The following L3MBTL4 variants were observed in gnomAD, a reference collection of about 807,000 sequenced individuals.
L3MBTL4 encodes the protein L3MBTL histone methyl-lysine binding protein 4.
Under a neutral mutation model 84.5 loss-of-function variants are expected in L3MBTL4, and 70 were observed. The ratio of observed to expected loss-of-function variants is 0.83; its 90% CI spans 0.68 to 1.01. The LOEUF (loss-of-function observed/expected upper bound fraction) is 1.01, where lower values mean the gene tolerates loss of function less well. Ranked by LOEUF, L3MBTL4 falls within the 50% of genes least tolerant of loss-of-function variation. The pLI is 0.00. For synonymous variants in L3MBTL4, 274 were observed against 259.8 expected, an observed-to-expected ratio of 1.05 and a Z score of -0.52; for missense variants, 715 against 754.8, an observed-to-expected ratio of 0.95 and a Z score of 0.62.
At chr18:6,365,179 A>G (rs1181222275) in intron 1 of L3MBTL4, among the ~76,000 whole-genome samples, 1 of 152,192 alleles carries the variant, frequency 6.6e-6, no homozygotes, top group African/African-American at 2.4e-5. Flanking sequence ...ACCTATGAAT[A>G]TGTTTTATGG....
intron 14 of L3MBTL4, among the ~76,000 whole-genome samples, chr18:6,122,506 T>C (rs1026588381): frequency 4.6e-5 from 7 of 151,868 alleles, no homozygotes; most frequent in Admixed American, 3.9e-4. Flanking sequence ...TAAGAGGGAG[T>C]TTCTCTGCAC....
chr18:6,299,675 T>A lies in L3MBTL4; in HGVS notation c.127+2228A>T, dbSNP rs923164239. On this transcript the variant is annotated intron_variant, in intron 4 of 18. Transcript: ENST00000317931. ...ATTAAGGTTTATTTTGCAATATAGA[T>A]ATATTTTTTTTATATACAGGGTCTC... Among the ~76,000 whole-genome samples, 5 of 145,044 alleles carry A rather than the reference T, an allele frequency of 3.4e-5. No individual in the cohort carries two copies. In the South Asian group the frequency reaches 6.5e-4, roughly 19 times the overall value.
At chr18:6,277,288 A>T (rs1469305270) in intron 4 of L3MBTL4, among the ~76,000 whole-genome samples, 2 of 151,988 alleles carry the variant, frequency 1.3e-5, no homozygotes, top group Admixed American at 6.5e-5. Context: ...AAAGTATAAT[A>T]AAAAAATATT....
At chr18:5,982,573 A>G (rs2053283036) in intron 16 of L3MBTL4, among the ~76,000 whole-genome samples, 1 of 152,248 alleles carries the variant, frequency 6.6e-6, no homozygotes, top group African/African-American at 2.4e-5. Flanking sequence ...CCCAGAGGTC[A>G]TGGAAAATGC....
chr18:5,988,812 G>T (rs1455532637), intron 16 of L3MBTL4, among the ~76,000 whole-genome samples: 1 of 152,150 alleles, frequency 6.6e-6, no homozygotes, highest in Non-Finnish European at 1.5e-5. Context: ...AGTTTCTAGG[G>T]GTGTGGATGG....
chr18:5,959,305 T>C lies in L3MBTL4; in HGVS notation c.1677+789A>G, dbSNP rs138538169. 1.0e-3 allele frequency among the ~76,000 whole-genome samples: 154 copies of C among 152,328 alleles called. 1 individual carries two copies. In the Middle Eastern group the frequency reaches 0.02, roughly 20 times the overall value. On this transcript the variant is annotated intron_variant, in intron 18 of 18. Transcript: ENST00000317931. ...TTGCTCTGCCTCACCTTCCTGGGCC[T>C]GAGCTTCTTCATCGGTAAGCTGCCA...
chr18:6,137,138 C>A (rs1298570309), intron 14 of L3MBTL4, among the ~76,000 whole-genome samples: 1 of 152,212 alleles, frequency 6.6e-6, no homozygotes, highest in Non-Finnish European at 1.5e-5. Context: ...CTGCAGACTC[C>A]TTACAGACTT....
rs1397916332 is a variant in L3MBTL4, at chr18:6,318,587, T to C, written c.-90-6531A>G. On this transcript the variant is annotated intron_variant, in intron 1 of 18. Coordinates refer to ENST00000317931, the MANE Select transcript of L3MBTL4 (RefSeq NM_001330559.2). The stretch of plus-strand genomic sequence containing the variant: ...ATCCAACAAGAGGATATTACAATCC[T>C]AAATTTACATGCCCCTAACTCTGGA... Among the ~76,000 whole-genome samples the C allele has an allele frequency of 2.2e-5, 3 of 138,526 alleles. No individual in the cohort carries two copies. The East Asian group carries it at 7.5e-4, about 35-fold the overall frequency. The allele number at this position is 138,526 out of a possible 152,430, so 90.9% of individuals were successfully genotyped here.
At chr18:6,379,822 C>CCAAAA (rs2054523556) in intron 1 of L3MBTL4, among the ~76,000 whole-genome samples, 1 of 152,180 alleles carries the variant, frequency 6.6e-6, no homozygotes, top group Non-Finnish European at 1.5e-5. Context: ...CGGAATGATG[C>CCAAAA]TGGCCTCATA....
At chr18:6,392,669 T>C (rs1227698036) in intron 1 of L3MBTL4, among the ~76,000 whole-genome samples, 1 of 152,154 alleles carries the variant, frequency 6.6e-6, no homozygotes, top group African/African-American at 2.4e-5. Flanking sequence ...ACTTAAGACC[T>C]GAAACCAAAA....
intron 1 of L3MBTL4, among the ~76,000 whole-genome samples, chr18:6,349,440 A>G (rs1002814740): frequency 6.6e-6 from 1 of 152,212 alleles, no homozygotes; most frequent in Admixed American, 6.5e-5. Context: ...ACGAAAGAAT[A>G]CACACTGGCT....
chr18:6,297,904 T>G (rs1399835818), intron 4 of L3MBTL4, among the ~76,000 whole-genome samples: 2 of 152,230 alleles, frequency 1.3e-5, no homozygotes, highest in African/African-American at 4.8e-5. Flanking sequence ...TACATACTTG[T>G]CTACACACAA....
rs1397154571 is a variant in L3MBTL4, at chr18:6,414,535, C to G, written c.-91+266G>C. Among the ~76,000 whole-genome samples the G allele has an allele frequency of 6.6e-6, 1 of 151,908 alleles. No homozygotes were observed. Among genetic ancestry groups the G allele is most frequent in the African/African-American group, 2.4e-5 (1 of 41,384 alleles). ...GAGGCGCCGGGCTCTGCGGCGGCCG[C>G]GCCCGTCCAAAGTAGGCGACAAGTG... On this transcript the variant is annotated intron_variant, in intron 1 of 18. Coordinates refer to ENST00000317931, the MANE Select transcript of L3MBTL4 (RefSeq NM_001330559.2). The surrounding 1 kb of genome is among the most constrained non-coding windows in gnomAD (Gnocchi z 5.4).
intron 16 of L3MBTL4, among the ~76,000 whole-genome samples, chr18:5,980,993 G>A (rs1268805570): frequency 6.6e-6 from 1 of 152,174 alleles, no homozygotes; most frequent in Non-Finnish European, 1.5e-5. Context: ...AGCATGCCCA[G>A]GTGTCTGTGC....
intron 12 of L3MBTL4, among the ~76,000 whole-genome samples, chr18:6,200,549 T>C (rs958878475): frequency 2.0e-5 from 3 of 152,238 alleles, no homozygotes; most frequent in African/African-American, 7.2e-5. Context: ...CCATTTATTA[T>C]CCATTATCTA....
chr18:5,992,873 C>T (rs977430533), intron 16 of L3MBTL4, among the ~76,000 whole-genome samples: 1 of 152,176 alleles, frequency 6.6e-6, no homozygotes, highest in Non-Finnish European at 1.5e-5. Context: ...CCAATATGAC[C>T]TCTTTTCTTT....
intron 16 of L3MBTL4, among the ~76,000 whole-genome samples, chr18:6,068,501 C>G (rs545729471): frequency 6.6e-6 from 1 of 152,258 alleles, no homozygotes; most frequent in South Asian, 2.1e-4. Context: ...AGTATTCCAG[C>G]TATTCAGATC....
chr18:5,960,061 C>CGT (rs10658145), intron 18 of L3MBTL4, 33 bp downstream of exon 18: 106,247 of 373,318 alleles, frequency 0.28, 19,481 homozygotes, highest in East Asian at 0.43. Flanking sequence ...TATATATATA[C>CGT]ATATATATAT....
chr18:6,220,371 C>T lies in L3MBTL4; in HGVS notation c.785-4536G>A, dbSNP rs567006018. 3.4e-3 allele frequency among the ~76,000 whole-genome samples: 520 copies of T among 152,280 alleles called. 4 individuals carry two copies. Among genetic ancestry groups the T allele is most frequent in the African/African-American group, 0.012 (487 of 41,554 alleles). On this transcript the variant is annotated intron_variant, in intron 10 of 18. Coordinates refer to ENST00000317931, the MANE Select transcript of L3MBTL4 (RefSeq NM_001330559.2). ...CCTGCTGTAACTAGAACACTGCAGA[C>T]ATCCTCCCTCTTCAAGTTCTTGTAC...
Sources: allele counts gnomAD v4.1 joint callset (sites outside exome capture counted in the v4.1 genomes callset), GRCh38; gene constraint gnomAD v4.1.1; non-coding constraint Gnocchi (gnomAD v3.1); transcripts MANE v1.5; gene names NCBI Gene and HGNC (gene_info 2026-07-23, HGNC 2026-07-21).